DNAAF1: variants seen among roughly 807,000 people sequenced by gnomAD.
DNAAF1 encodes the protein dynein assembly factor 1, axonemal.
In DNAAF1, 65 loss-of-function variants were observed where a neutral mutation model predicts 71.1. That is an observed-to-expected ratio of 0.91 (90% CI 0.75 to 1.12). The LOEUF is 1.12. DNAAF1 is among the 50% of genes most tolerant of loss of function. The probability of loss-of-function intolerance (pLI) is 0.00; values close to 1 mark genes in which losing one functional copy is unlikely to be tolerated. For missense variants in DNAAF1, 1,178 were observed against 899.8 expected (o/e 1.31, Z -3.96); for synonymous variants, 414 against 354.6 (o/e 1.17, Z -1.88).
At chr16:84,155,885 GT>G in intron 5 of DNAAF1, 136 bp downstream of exon 5, 1 of 1,173,864 alleles carries the variant, frequency 8.5e-7, no homozygotes, top group Non-Finnish European at 1.2e-6. Flanking sequence ...TCCTCTTTGT[GT>G]TTTTAGCTGG....
chr16:84,148,392 G>T (rs1325560947), intron 1 of DNAAF1, among the ~76,000 whole-genome samples: 2 of 151,806 alleles, frequency 1.3e-5, no homozygotes, highest in African/African-American at 2.4e-5. Flanking sequence ...TATGTAACCA[G>T]CCCCTATGGA....
chr16:84,172,992 A>G, intron 9 of DNAAF1: 1 of 995,494 alleles, frequency 1.0e-6, no homozygotes, highest in Non-Finnish European at 1.2e-6. Flanking sequence ...GAATTCACAC[A>G]TTGTCTCACA....
rs780631154 is a variant in DNAAF1, at chr16:84,145,533, C to T, written c.93C>T (p.His31=). 2.9e-5 allele frequency: 45 copies of T among 1,553,080 alleles called. No homozygotes were observed. Among genetic ancestry groups the T allele is most frequent in the Non-Finnish European group, 3.7e-5 (43 of 1,148,516 alleles). ...EPGVEESAGD[H]GSAGRGGCKE... ...GCGTGGAGGAGTCTGCGGGTGACCA[C>T]GGGAGCGCAGGCCGAGGGGGCTGCA... The change falls in exon 1 of 12, where the codon CAC becomes CAT. Residue 31 remains histidine, a synonymous_variant. Transcript: ENST00000378553.
chr16:84,170,377 C>T (rs1298324389), intron 8 of DNAAF1, 21 bp downstream of exon 8: 1 of 1,613,222 alleles, frequency 6.2e-7, no homozygotes, highest in African/African-American at 1.3e-5. Context: ...CGGAGAAACA[C>T]ACACAGACAC....
intron 11 of DNAAF1, 178 bp from the exon 12 acceptor site, chr16:84,177,551 A>C: frequency 1.6e-6 from 1 of 619,176 alleles, no homozygotes; most frequent in Non-Finnish European, 3.0e-6. Flanking sequence ...CTGGTCTCGA[A>C]CTCCTGACCT....
rs2087121879 is a variant in DNAAF1 at position 84,150,256 on chromosome 16, C to A, written c.266C>A (p.Thr89Asn). The A allele has an allele frequency of 1.9e-6, 3 of 1,612,168 alleles. No individual in the cohort carries two copies. The highest frequency in any genetic ancestry group is 2.2e-5 in the East Asian group (1 of 44,856). The part of the protein sequence containing the change: ...EDREDRGPRM[T>N]KSSLQKLCKQ... Reference sequence around the variant, plus strand: ...ATATTTTTCCATTTTAACAGAATGACTAAAAGTTCCCTGCAAAAACTCTGC... The same window carrying A: ...ATATTTTTCCATTTTAACAGAATGAATAAAAGTTCCCTGCAAAAACTCTGC... Residue 89 changes from threonine to asparagine, a missense_variant, in exon 3 of 12, where the codon ACT (threonine) becomes AAT (asparagine). Coordinates refer to ENST00000378553, the MANE Select transcript of DNAAF1 (RefSeq NM_178452.6).
At chr16:84,163,873 T>TGGG (rs1555523655) in intron 6 of DNAAF1, among the ~76,000 whole-genome samples, 11,558 of 149,324 alleles carry the variant, frequency 0.077, 514 homozygotes, top group South Asian at 0.22. Context: ...TTTTTTTTTT[T>TGGG]GTGGGGGACA....
In DNAAF1 at chr16:84,170,046, G is replaced by C. The variant is rs374207885; in HGVS notation, c.1218G>C (p.Glu406Asp). 2 of 1,613,884 alleles carry C rather than the reference G, an allele frequency of 1.2e-6. No individual in the cohort carries two copies. Among genetic ancestry groups the C allele is most frequent in the South Asian group, 2.2e-5 (2 of 91,072 alleles). Residue 406 changes from glutamate (E) to aspartate (D), a missense_variant, in exon 8 of 12, where the codon GAG (glutamate) becomes GAC (aspartate). By Grantham distance (45) the Glu-to-Asp change is conservative. Coordinates refer to ENST00000378553, the MANE Select transcript of DNAAF1 (RefSeq NM_178452.6). ...AGCCGCCTGTGGAGGCTAAAAGAGA[G>C]GATGGAGGTCCAGAGCCAGAGGGGA... ...GEEPPVEAKR[E>D]DGGPEPEGTL...
rs914775287 is a variant in DNAAF1, at chr16:84,175,138, G to T, written c.1698+416G>T. ...CCCAAAGTGCTGGGATTACAGGCGT[G>T]AGCCACCGCACCCAGCCCACATCCC... On this transcript the variant is annotated intron_variant, in intron 10 of 11. Coordinates refer to ENST00000378553, the MANE Select transcript of DNAAF1 (RefSeq NM_178452.6). 9 of 258,402 alleles carry T rather than the reference G, an allele frequency of 3.5e-5. No individual in the cohort carries two copies. In the South Asian group the frequency reaches 4.1e-4, roughly 12 times the overall value. 16.0% of individuals were successfully genotyped at this position (258,402 alleles called of 1,614,324 possible). A position where few individuals can be genotyped will look rare whatever the true frequency, so the allele number is the denominator to read the frequency against.
At chr16:84,146,585 C>T (rs531692612) in intron 1 of DNAAF1, among the ~76,000 whole-genome samples, 132 of 152,198 alleles carry the variant, frequency 8.7e-4, no homozygotes, top group Non-Finnish European at 1.3e-3. Context: ...GGCGTGGTGA[C>T]GTGCTCCTGT....
intron 1 of DNAAF1, among the ~76,000 whole-genome samples, chr16:84,147,847 C>T (rs1377370313): frequency 6.6e-6 from 1 of 152,092 alleles, no homozygotes; most frequent in Non-Finnish European, 1.5e-5. Flanking sequence ...GGGTGGGTCA[C>T]CTGAGGTCAG....
In DNAAF1 at chr16:84,165,784, G is replaced by T. The variant is rs2087943554; in HGVS notation, c.865G>T (p.Ala289Ser). The change falls in exon 7 of 12, where the codon GCT (alanine) becomes TCT (serine). Residue 289 changes from alanine (A) to serine (S), a missense_variant and splice_region_variant. Transcript: ENST00000378553. ...DDRPVFPKDRACAEAWARGGY... is the reference protein window; with the variant it reads ...DDRPVFPKDRSCAEAWARGGY... The stretch of plus-strand genomic sequence containing the variant: ...TATGTTTCTTTGTTTTTTAAACAGA[G>T]CTTGTGCGGAGGCCTGGGCTAGGGG... 3 of 1,613,590 alleles carry T rather than the reference G, an allele frequency of 1.9e-6. No individual in the cohort carries two copies. Among genetic ancestry groups the T allele is most frequent in the Non-Finnish European group, 2.5e-6 (3 of 1,179,856 alleles).
chr16:84,172,317 C>T lies in DNAAF1; in HGVS notation c.1586C>T (p.Thr529Met), dbSNP rs780536622. Residue 529 changes from threonine to methionine, a missense_variant, in exon 9 of 12, where the codon ACG becomes ATG. Physicochemically the swap from Thr to Met is moderately conservative, Grantham distance 81 (BLOSUM62 -1). Transcript: ENST00000378553. Reference sequence around the variant, plus strand: ...GTATTCGTTACAGAACTTGATGGAACGAGAACGGAAGATTTAGAAACCATT... The same window carrying T: ...GTATTCGTTACAGAACTTGATGGAATGAGAACGGAAGATTTAGAAACCATT... ...EGVFVTELDG[T>M]RTEDLETIRL... 36 of 1,614,154 alleles carry T rather than the reference C, an allele frequency of 2.2e-5. No individual in the cohort carries two copies. In the Admixed American group the frequency reaches 4.0e-4, roughly 18 times the overall value.
chr16:84,155,220 T>C (rs1049339618), intron 4 of DNAAF1, among the ~76,000 whole-genome samples: 1 of 152,028 alleles, frequency 6.6e-6, no homozygotes, highest in African/African-American at 2.4e-5. Context: ...GAAGTGTTTT[T>C]GGTTTTGTTT....
chr16:84,160,936 C>CAA (rs994477404), intron 6 of DNAAF1, among the ~76,000 whole-genome samples: 1 of 67,486 alleles, frequency 1.5e-5, no homozygotes, highest in African/African-American at 5.5e-5. Context: ...GACTCCGTCT[C>CAA]AAAAAAAAAA....
At chr16:84,176,388 C>T (rs373595292) in intron 11 of DNAAF1, 89 bp downstream of exon 11, 1 of 1,591,132 alleles carries the variant, frequency 6.3e-7, no homozygotes, top group South Asian at 1.1e-5. Context: ...CAGCCTTACC[C>T]TGAGCTTTCA....
In DNAAF1 at chr16:84,172,263, C is replaced by T. The variant is rs144393177; in HGVS notation, c.1532C>T (p.Pro511Leu). Reference protein sequence around the residue: ...PPPLGAAREEPTPQAVATEGV... With the variant: ...PPPLGAAREELTPQAVATEGV... ...AAGACTTGTTGTTGCTCTTTAGAACCGACTCCCCAGGCTGTGGCCACTGAG... is the reference window on the plus strand; with the variant it reads ...AAGACTTGTTGTTGCTCTTTAGAACTGACTCCCCAGGCTGTGGCCACTGAG... Residue 511 changes from proline (P) to leucine (L), a missense_variant, in exon 9 of 12, where the codon CCG (proline) becomes CTG (leucine). Physicochemically the swap from Pro to Leu is moderately conservative, Grantham distance 98. Coordinates refer to ENST00000378553, the MANE Select transcript of DNAAF1 (RefSeq NM_178452.6). The T allele has an allele frequency of 9.1e-5, 147 of 1,613,854 alleles. 2 individuals carry two copies. Among genetic ancestry groups the T allele is most frequent in the South Asian group, 2.7e-4 (25 of 90,934 alleles).
At chr16:84,145,894 G>T (rs1054226766) in intron 1 of DNAAF1, among the ~76,000 whole-genome samples, 1 of 152,064 alleles carries the variant, frequency 6.6e-6, no homozygotes, top group South Asian at 2.1e-4. Flanking sequence ...TCAGGAGTTC[G>T]AGACCAGCCT....
Position 84,155,707 on chromosome 16 carries a change from T to C in DNAAF1, c.699T>C (p.Ser233=), listed in dbSNP as rs767541731. The change falls in exon 5 of 12, where the codon AGT becomes AGC. Residue 233 remains serine, a synonymous_variant. Coordinates refer to ENST00000378553, the MANE Select transcript of DNAAF1 (RefSeq NM_178452.6). ...TTGACCTTTCGCACAACAAGCTGAGTGACCCGGAGATCCTGAGCATTCTGG... is the reference window on the plus strand; with the variant it reads ...TTGACCTTTCGCACAACAAGCTGAGCGACCCGGAGATCCTGAGCATTCTGG... ...CVLDLSHNKL[S]DPEILSILES... The C allele has an allele frequency of 6.2e-7, 1 of 1,614,050 alleles. No homozygotes were observed. The highest frequency in any genetic ancestry group is 1.3e-5 in the African/African-American group (1 of 74,916).
Sources: allele counts gnomAD v4.1 joint callset (sites outside exome capture counted in the v4.1 genomes callset), GRCh38; gene constraint gnomAD v4.1.1; transcripts MANE v1.5; gene names NCBI Gene and HGNC (gene_info 2026-07-23, HGNC 2026-07-21).